DIP2B: variants seen among roughly 807,000 people sequenced by gnomAD.
DIP2B encodes DIP2 acetate--CoA ligase B (putative), also known as disco-interacting protein 2 homolog B.
A neutral mutation model predicts 198.0 loss-of-function variants in DIP2B; 76 were observed. That is an observed-to-expected ratio of 0.38 (90% CI 0.32 to 0.46). DIP2B has a LOEUF of 0.46. Among genes scored for constraint, DIP2B ranks in the 20% least tolerant of loss-of-function variants. The pLI is 0.99. For synonymous variants in DIP2B, 701 were observed against 739.1 expected (o/e 0.95, Z 0.84); for missense variants, 1,559 against 1,978.4 (o/e 0.79, Z 4.02).
At chr12:50,704,077 A>G in intron 19 of DIP2B, 63 bp from the exon 20 acceptor site, 2 of 1,464,490 alleles carry the variant, frequency 1.4e-6, no homozygotes, top group Non-Finnish European at 1.9e-6. Context: ...AAAACTTTTT[A>G]AAAATCACAT....
At chr12:50,590,429 G>C (rs966822286) in intron 1 of DIP2B, among the ~76,000 whole-genome samples, 3 of 152,036 alleles carry the variant, frequency 2.0e-5, no homozygotes, top group Non-Finnish European at 4.4e-5. Flanking sequence ...GAGTGCAGTG[G>C]CGTGATCTCA....
chr12:50,725,073 C>T (rs1020899045), intron 28 of DIP2B, among the ~76,000 whole-genome samples, 187 bp downstream of exon 28: 1 of 152,202 alleles, frequency 6.6e-6, no homozygotes, highest in Non-Finnish European at 1.5e-5. Context: ...AGAGCCAGAT[C>T]ACAGTCTGCT....
intron 1 of DIP2B, among the ~76,000 whole-genome samples, chr12:50,577,327 C>T (rs925240969): frequency 3.3e-5 from 5 of 151,810 alleles, no homozygotes; most frequent in Non-Finnish European, 5.9e-5. Context: ...GTCAGGAGAT[C>T]GAGACCATCC....
intron 1 of DIP2B, among the ~76,000 whole-genome samples, chr12:50,554,567 A>C (rs995680496): frequency 1.3e-5 from 2 of 152,074 alleles, no homozygotes; most frequent in Non-Finnish European, 2.9e-5. Context: ...AATCTTCTGA[A>C]ATGCCTTGGC....
chr12:50,530,116 G>C (rs558072913), intron 1 of DIP2B, among the ~76,000 whole-genome samples: 1 of 151,510 alleles, frequency 6.6e-6, no homozygotes. Context: ...TCTCTCTGTC[G>C]CCCAGGCTGG....
chr12:50,713,925 AAAAG>A (rs1170497784), intron 22 of DIP2B, among the ~76,000 whole-genome samples: 1 of 152,142 alleles, frequency 6.6e-6, no homozygotes, highest in East Asian at 1.9e-4. Flanking sequence ...AAAATTAAAA[AAAAG>A]AAAAGAAAAA....
chr12:50,625,081 G>C (rs917910189), intron 1 of DIP2B, among the ~76,000 whole-genome samples: 18 of 152,030 alleles, frequency 1.2e-4, no homozygotes, highest in African/African-American at 3.9e-4. Context: ...TCTATGTAAG[G>C]CTTCACAGTA....
chr12:50,607,525 C>T (rs899564340), intron 1 of DIP2B, among the ~76,000 whole-genome samples: 1 of 152,200 alleles, frequency 6.6e-6, no homozygotes. Context: ...TTCTTGACAG[C>T]ATCCCCTTTC....
rs750236443 is a variant in DIP2B at position 50,710,115 on chromosome 12, T to A, written c.2649+1553T>A. ...AGCACTTAACATCTTGTATATTTAT[T>A]GTTTTCTACATCCACTGTAATATAA... is the stretch of plus-strand genomic sequence containing the variant. On this transcript the variant is annotated intron_variant, in intron 22 of 37. Coordinates refer to ENST00000301180, the MANE Select transcript of DIP2B (RefSeq NM_173602.3). Among the ~76,000 whole-genome samples the A allele has an allele frequency of 2.3e-4, 35 of 152,366 alleles. No individual in the cohort carries two copies. In the Middle Eastern group the frequency reaches 0.01, roughly 44 times the overall value.
chr12:50,642,738 G>A (rs917484381), intron 3 of DIP2B, among the ~76,000 whole-genome samples: 12 of 152,160 alleles, frequency 7.9e-5, no homozygotes, highest in African/African-American at 2.9e-4. Context: ...GCAGTGAGCC[G>A]AGATCGTGCC....
At chr12:50,640,164 G>T (rs763597350) in intron 2 of DIP2B, among the ~76,000 whole-genome samples, 1 of 152,048 alleles carries the variant, frequency 6.6e-6, no homozygotes, top group Non-Finnish European at 1.5e-5. Context: ...GAAAACATCA[G>T]AACTTAGTGT....
In DIP2B at chr12:50,537,114, A is replaced by ATTTTT. The variant is rs34202995; in HGVS notation, c.100+31897_100+31901dup. On this transcript the variant is annotated intron_variant, in intron 1 of 37. Coordinates refer to ENST00000301180, the MANE Select transcript of DIP2B (RefSeq NM_173602.3). Reference sequence around the variant, plus strand: ...CAGATTGCTTGTTTATTATTCTCTAATTTTTTTTTTTTTTTTTTTTTTTTT... The same window carrying ATTTTT: ...CAGATTGCTTGTTTATTATTCTCTAATTTTTTTTTTTTTTTTTTTTTTTTTTTTTT... 1.9e-3 allele frequency among the ~76,000 whole-genome samples: 62 copies of ATTTTT among 32,222 alleles called. 18 individuals carry two copies. The highest frequency in any genetic ancestry group is 0.013 in the East Asian group (6 of 466). 21.1% of individuals were successfully genotyped at this position (32,222 alleles called of 152,430 possible).
intron 1 of DIP2B, among the ~76,000 whole-genome samples, chr12:50,612,115 T>C (rs1479348935): frequency 1.3e-5 from 2 of 151,984 alleles, no homozygotes; most frequent in Non-Finnish European, 2.9e-5. Context: ...TACAAAAAAT[T>C]AGCAGGGCAT....
At chr12:50,506,702 T>G (rs1008204950) in intron 1 of DIP2B, among the ~76,000 whole-genome samples, 2 of 152,036 alleles carry the variant, frequency 1.3e-5, no homozygotes, top group African/African-American at 2.4e-5. Context: ...TACCTTAAGT[T>G]CCCCCCGCTT....
At chr12:50,666,128 T>C (rs1330104113) in intron 4 of DIP2B, among the ~76,000 whole-genome samples, 1 of 152,230 alleles carries the variant, frequency 6.6e-6, no homozygotes, top group Non-Finnish European at 1.5e-5. Context: ...GACTAGTGAA[T>C]ATCCAGTGTT....
At chr12:50,511,403 T>G (rs917503418) in intron 1 of DIP2B, among the ~76,000 whole-genome samples, 6 of 142,622 alleles carry the variant, frequency 4.2e-5, no homozygotes, top group Non-Finnish European at 4.5e-5. Context: ...GCGATTCTCC[T>G]GCCTCAGCCT....
At chr12:50,640,301 A>G (rs552297240) in intron 2 of DIP2B, among the ~76,000 whole-genome samples, 1 of 152,252 alleles carries the variant, frequency 6.6e-6, no homozygotes, top group Admixed American at 6.5e-5. Context: ...ACTTGACTTG[A>G]AGCTGTGCTG....
chr12:50,724,630 CACTG>C lies in DIP2B; in HGVS notation c.3289-142_3289-139del, dbSNP rs377352962. The stretch of plus-strand genomic sequence containing the variant: ...CAGAAGGAAACATGCAAGGGAGTAA[CACTG>C]ACCTCGTCTGTCTCACATGTGTTCT... On this transcript the variant is annotated intron_variant, in intron 27 of 37. Coordinates refer to ENST00000301180, the MANE Select transcript of DIP2B (RefSeq NM_173602.3). 1.0e-3 allele frequency: 670 copies of C among 642,150 alleles called. 2 individuals are homozygous for C. In the African/African-American group the frequency reaches 0.011, roughly 11 times the overall value. The allele number at this position is 642,150 out of a possible 1,614,324, so 39.8% of individuals were successfully genotyped here.
chr12:50,703,699 C>G (rs919749653), intron 19 of DIP2B, among the ~76,000 whole-genome samples: 4 of 151,952 alleles, frequency 2.6e-5, no homozygotes, highest in African/African-American at 7.3e-5. Flanking sequence ...AGGCACTTGC[C>G]TAAAGTCTAT....
Sources: allele counts gnomAD v4.1 joint callset (sites outside exome capture counted in the v4.1 genomes callset), GRCh38; gene constraint gnomAD v4.1.1; transcripts MANE v1.5; gene names NCBI Gene and HGNC (gene_info 2026-07-23, HGNC 2026-07-21).